The following SLC18A1 variants were observed in gnomAD, a reference collection of about 807,000 sequenced individuals.
SLC18A1 encodes the protein solute carrier family 18 member A1, also known as chromaffin granule amine transporter.
A neutral mutation model predicts 53.7 loss-of-function variants in SLC18A1; 69 were observed. The observed-to-expected ratio is 1.28, with a 90% confidence interval of 1.06 to 1.57. SLC18A1 has a LOEUF of 1.57. Ranked by LOEUF, SLC18A1 falls within the 40% of genes most tolerant of loss-of-function variation. SLC18A1 has a pLI of 0.00. For synonymous variants in SLC18A1, 320 were observed against 248.1 expected (o/e 1.29, Z -2.72); for missense variants, 932 against 668.1 (o/e 1.40, Z -4.35).
chr8:20,148,131 C>G (rs1251589584), intron 12 of SLC18A1, 61 bp from the exon 13 acceptor site: 1 of 1,460,512 alleles, frequency 6.8e-7, no homozygotes, highest in African/African-American at 1.4e-5. Context: ...GAGCAAGGTT[C>G]AAAGAGTTTT....
At chr8:20,181,914 G>C (rs1475773580) in intron 1 of SLC18A1, 5 of 152,138 alleles carry the variant, frequency 3.3e-5, no homozygotes, top group African/African-American at 9.7e-5. Context: ...TCATTCTTTT[G>C]TTTGAGCTAC....
intron 8 of SLC18A1, among the ~76,000 whole-genome samples, chr8:20,170,054 C>A (rs188614707): frequency 6.6e-6 from 1 of 152,114 alleles, no homozygotes; most frequent in South Asian, 2.1e-4. Flanking sequence ...ATATGCCAGG[C>A]CTGGGAGCCT....
chr8:20,175,460 T>C (rs1210699964), intron 4 of SLC18A1: 1 of 152,232 alleles, frequency 6.6e-6, no homozygotes, highest in Non-Finnish European at 1.5e-5. Flanking sequence ...TTCACAATTT[T>C]ATGTTCAGAG....
At chr8:20,174,040 G>T (rs2072193595) in intron 5 of SLC18A1, among the ~76,000 whole-genome samples, 1 of 151,886 alleles carries the variant, frequency 6.6e-6, no homozygotes, top group African/African-American at 2.4e-5. Flanking sequence ...GGGACCACAG[G>T]TGCACACCAC....
chr8:20,172,612 T>A (rs912645316), intron 6 of SLC18A1, among the ~76,000 whole-genome samples: 2 of 152,202 alleles, frequency 1.3e-5, no homozygotes, highest in African/African-American at 4.8e-5. Context: ...CCTAGCTGTG[T>A]GATGTTGGAT....
intron 4 of SLC18A1, among the ~76,000 whole-genome samples, chr8:20,177,234 C>G (rs973165658): frequency 2.0e-5 from 3 of 152,228 alleles, no homozygotes; most frequent in Non-Finnish European, 4.4e-5. Flanking sequence ...TTCTCAGAGA[C>G]AACCTCACAT....
chr8:20,155,703 T>G (rs573970163), intron 10 of SLC18A1, among the ~76,000 whole-genome samples: 3 of 152,274 alleles, frequency 2.0e-5, no homozygotes, highest in African/African-American at 7.2e-5. Flanking sequence ...AATCCCTGCC[T>G]CCTAGGTACT....
chr8:20,157,307 A>G (rs2071707183), intron 10 of SLC18A1, among the ~76,000 whole-genome samples: 1 of 152,200 alleles, frequency 6.6e-6, no homozygotes, highest in African/African-American at 2.4e-5. Flanking sequence ...GGGCAGCTAT[A>G]ATTGCAGCCT....
chr8:20,151,354 C>T (rs939697094), intron 10 of SLC18A1, among the ~76,000 whole-genome samples: 6 of 151,998 alleles, frequency 3.9e-5, no homozygotes, highest in East Asian at 1.9e-4. Flanking sequence ...CCTGATGAGC[C>T]GTTCTCATGT....
intron 15 of SLC18A1, among the ~76,000 whole-genome samples, chr8:20,146,675 T>G (rs570190470): frequency 2.0e-5 from 3 of 152,090 alleles, no homozygotes; most frequent in African/African-American, 7.2e-5. Context: ...ATACAAAAAA[T>G]TAGCCAGACA....
At position 20,181,940 on chromosome 8, in the gene SLC18A1, A is replaced by G. The variant is rs568827115; in HGVS notation, c.-123-853T>C. ...TTTGAGCTACAAACCCCTGATCAGA[A>G]AGATGCCTTCATCTGTGAAAATAAA... On this transcript the variant is annotated intron_variant, in intron 1 of 15. Transcript: ENST00000276373. 2 of 152,292 alleles carry G rather than the reference A, an allele frequency of 1.3e-5. 1 individual carries two copies. The highest frequency in any genetic ancestry group is 3.9e-4 in the East Asian group (2 of 5,186). The allele number at this position is 152,292 out of a possible 1,614,324, so 9.4% of individuals were successfully genotyped here. A position where few individuals can be genotyped will look rare whatever the true frequency, so the allele number is the denominator to read the frequency against.
chr8:20,151,355 G>A lies in SLC18A1; in HGVS notation c.1016-611C>T, dbSNP rs139552226. On this transcript the variant is annotated intron_variant, in intron 10 of 15. Transcript: ENST00000276373. Reference sequence around the variant, plus strand: ...TCCTAATGAATGGCCCTGATGAGCCGTTCTCATGTATAAAATACCCTTGAT... The same window carrying A: ...TCCTAATGAATGGCCCTGATGAGCCATTCTCATGTATAAAATACCCTTGAT... Among the ~76,000 whole-genome samples the A allele has an allele frequency of 7.2e-3, 1,090 of 152,056 alleles. 10 individuals carry two copies. The highest frequency in any genetic ancestry group is 0.025 in the African/African-American group (1,043 of 41,464).
chr8:20,176,061 T>G (rs2072243650), intron 4 of SLC18A1: 1 of 152,184 alleles, frequency 6.6e-6, no homozygotes, highest in African/African-American at 2.4e-5. Flanking sequence ...CACTACAGTG[T>G]GGACATGGGT....
At chr8:20,149,817 G>T in intron 11 of SLC18A1, 90 bp from the exon 12 acceptor site, 1 of 1,252,690 alleles carries the variant, frequency 8.0e-7, no homozygotes, top group Non-Finnish European at 1.2e-6. Flanking sequence ...TGTCCCACCA[G>T]CCCTAATCCC....
At chr8:20,182,456 T>C (rs1226220787) in intron 1 of SLC18A1, among the ~76,000 whole-genome samples, 1 of 152,260 alleles carries the variant, frequency 6.6e-6, no homozygotes, top group Non-Finnish European at 1.5e-5. Flanking sequence ...AATATAAATA[T>C]ATGGGCACAT....
intron 2 of SLC18A1, among the ~76,000 whole-genome samples, chr8:20,180,428 T>G (rs1024863626): frequency 2.0e-5 from 3 of 152,166 alleles, no homozygotes; most frequent in Non-Finnish European, 4.4e-5. Flanking sequence ...GTCTTGATAC[T>G]AAATCAGATA....
intron 12 of SLC18A1, 79 bp downstream of exon 12, chr8:20,149,588 CCCTCTCTCT>C: frequency 1.1e-6 from 1 of 940,950 alleles, no homozygotes; most frequent in South Asian, 1.7e-5. Context: ...CTCTCTCTCT[CCCTCTCTCT>C]CTCTCTCTCT....
At position 20,180,825 on chromosome 8, in the gene SLC18A1, A is replaced by T. The variant is rs542807244; in HGVS notation, c.124+16T>A. ...CACAGCAAATTAACCCTCAGCACAA[A>T]GACCCACAAACGTACCCACCACAGT... is the stretch of plus-strand genomic sequence containing the variant. On this transcript the variant is annotated intron_variant, in intron 2 of 15. Transcript: ENST00000276373. 3.9e-5 allele frequency: 63 copies of T among 1,613,538 alleles called. No homozygotes were observed. The South Asian group carries it at 6.4e-4, about 16-fold the overall frequency.
chr8:20,166,289 C>CTG (rs1229269275), intron 8 of SLC18A1, among the ~76,000 whole-genome samples: 1 of 107,256 alleles, frequency 9.3e-6, no homozygotes, highest in Non-Finnish European at 1.9e-5. Context: ...GTGTGTGTGT[C>CTG]TATATATATA....
Sources: gnomAD v4.1 joint callset for allele counts (sites outside exome capture counted in the v4.1 genomes callset) on GRCh38, gnomAD v4.1.1 for gene constraint, MANE v1.5 for transcripts, NCBI Gene and HGNC (gene_info 2026-07-23, HGNC 2026-07-21) for gene names.